Variants in MYH4 observed in about 807,000 individuals in gnomAD.
MYH4 encodes myosin heavy chain 4.
In MYH4, 200 loss-of-function variants were observed where a neutral mutation model predicts 229.9. The ratio of observed to expected loss-of-function variants is 0.87; its 90% CI spans 0.78 to 0.98. MYH4 has a LOEUF of 0.98. Ranked by LOEUF, MYH4 falls within the 50% of genes least tolerant of loss-of-function variation. The probability of loss-of-function intolerance (pLI) is 0.00; values close to 1 mark genes in which losing one functional copy is unlikely to be tolerated. For synonymous variants in MYH4, 761 were observed against 834.6 expected (o/e 0.91, Z 1.52); for missense variants, 2,148 against 2,332.6 (o/e 0.92, Z 1.63).
intron 2 of MYH4, among the ~76,000 whole-genome samples, chr17:10,467,312 A>T (rs1249794713): frequency 1.3e-5 from 2 of 152,372 alleles, no homozygotes; most frequent in South Asian, 4.1e-4. Flanking sequence ...ATGTAGACAG[A>T]TACACCTGTT....
At chr17:10,455,457 A>G (rs942403855) in intron 19 of MYH4, among the ~76,000 whole-genome samples, 157 bp downstream of exon 19, 5 of 152,244 alleles carry the variant, frequency 3.3e-5, no homozygotes, top group Non-Finnish European at 7.3e-5. Context: ...GATATGATGA[A>G]AAACTTATGA....
rs371161204 is a variant in MYH4 at position 10,443,336 on chromosome 17, G to C, written c.*39C>G. The C allele has an allele frequency of 6.2e-7, 1 of 1,601,366 alleles. No homozygotes were observed. Among genetic ancestry groups the C allele is most frequent in the East Asian group, 2.2e-5 (1 of 44,770 alleles). ...ACAGTGACAAAGAACTTCACATTTC[G>C]TGCATTTCTTTGGTCACATTTTCTT... On this transcript the variant is annotated 3_prime_UTR_variant, in exon 40 of 40. Coordinates refer to ENST00000255381, the MANE Select transcript of MYH4 (RefSeq NM_017533.2). The surrounding 1 kb of genome is among the most constrained non-coding windows in gnomAD (Gnocchi z 4.6).
In MYH4 at chr17:10,449,047, C is replaced by T. The variant is rs771103965; in HGVS notation, c.4182G>A (p.Lys1394=). ...CCTGCAGACGCTGGGCTAGCTTCTT[C>T]CTGAAAATTGGGTCAGTATGAGTGA... The part of the protein sequence containing the change: ...IQRTEELEEA[K]KKLAQRLQDA... Residue 1394 remains lysine (K), a splice_region_variant and synonymous_variant, in exon 31 of 40, where the codon AAG becomes AAA. Transcript: ENST00000255381. 1.9e-6 allele frequency: 3 copies of T among 1,613,838 alleles called. No individual in the cohort carries two copies. Among genetic ancestry groups the T allele is most frequent in the Non-Finnish European group, 1.7e-6 (2 of 1,179,930 alleles).
At chr17:10,464,757 A>T in intron 5 of MYH4, 49 bp from the exon 6 acceptor site, 2 of 1,574,360 alleles carry the variant, frequency 1.3e-6, no homozygotes, top group Non-Finnish European at 1.7e-6. Flanking sequence ...CACTTAACAC[A>T]TAGGTCAACG....
intron 39 of MYH4, among the ~76,000 whole-genome samples, chr17:10,444,276 C>A (rs1358376965): frequency 6.6e-6 from 1 of 152,004 alleles, no homozygotes; most frequent in Non-Finnish European, 1.5e-5. Flanking sequence ...TTAAATGAAG[C>A]TTAGAATTCA....
intron 2 of MYH4, 73 bp from the exon 3 acceptor site, chr17:10,466,857 T>C (rs1328808252): frequency 1.5e-6 from 2 of 1,351,440 alleles, no homozygotes; most frequent in Non-Finnish European, 2.0e-6. Flanking sequence ...TTCATATTAA[T>C]GTGCTTAATT....
rs2072568418 is a variant in MYH4, at chr17:10,451,181, G to A, written c.3865+145C>T. The stretch of plus-strand genomic sequence containing the variant: ...TCGCTTAGAATCATTGCATTTTACT[G>A]TCTCATAATAAAAAGATGGAGGAAT... On this transcript the variant is annotated intron_variant, in intron 28 of 39. Coordinates refer to ENST00000255381, the MANE Select transcript of MYH4 (RefSeq NM_017533.2). 3 of 1,119,978 alleles carry A rather than the reference G, an allele frequency of 2.7e-6. No homozygotes were observed. The Admixed American group carries it at 7.8e-5, about 29-fold the overall frequency. 69.4% of individuals were successfully genotyped at this position (1,119,978 alleles called of 1,614,324 possible). A position where few individuals can be genotyped will look rare whatever the true frequency, so the allele number is the denominator to read the frequency against.
At chr17:10,453,471 A>G in intron 23 of MYH4, 143 bp from the exon 24 acceptor site, 1 of 1,552,498 alleles carries the variant, frequency 6.4e-7, no homozygotes, top group Non-Finnish European at 8.7e-7. Flanking sequence ...AATGGCTGAA[A>G]AAATAGGAGG....
At chr17:10,461,205 C>T (rs2072698159) in intron 11 of MYH4, 151 bp from the exon 12 acceptor site, 3 of 834,966 alleles carry the variant, frequency 3.6e-6, no homozygotes, top group Non-Finnish European at 5.6e-6. Flanking sequence ...ATATGCTTTA[C>T]CTTTTGATCC....
At chr17:10,453,939 CAATA>C in intron 22 of MYH4, 54 bp from the exon 23 acceptor site, 1 of 1,595,906 alleles carries the variant, frequency 6.3e-7, no homozygotes. Context: ...TATAAGCACA[CAATA>C]ATTTATTATA....
intron 16 of MYH4, among the ~76,000 whole-genome samples, 164 bp downstream of exon 16, chr17:10,457,256 G>C (rs1232453960): frequency 6.6e-6 from 1 of 152,224 alleles, no homozygotes; most frequent in Non-Finnish European, 1.5e-5. Context: ...CTGAAAGTCT[G>C]TGACTGTAAG....
intron 22 of MYH4, 30 bp from the exon 23 acceptor site, chr17:10,453,915 G>A (rs1434641880): frequency 6.2e-7 from 1 of 1,612,442 alleles, no homozygotes; most frequent in Non-Finnish European, 8.5e-7. Context: ...ATTTTCATTT[G>A]TCTGAGCTAT....
At chr17:10,453,520 A>T in intron 23 of MYH4, 123 bp downstream of exon 23, 1 of 1,567,164 alleles carries the variant, frequency 6.4e-7, no homozygotes, top group Admixed American at 1.7e-5. Flanking sequence ...TGAAGACTAA[A>T]GAGATGAAAT....
chr17:10,460,308 A>G lies in MYH4; in HGVS notation c.1161T>C (p.Ala387=). 6.2e-7 allele frequency: 1 copy of G among 1,605,506 alleles called. No homozygotes were observed. Residue 387 remains alanine (A), a synonymous_variant, in exon 13 of 40, where the codon GCT becomes GCC. Coordinates refer to ENST00000255381, the MANE Select transcript of MYH4 (RefSeq NM_017533.2). The stretch of plus-strand genomic sequence containing the variant: ...CAGAGTTCAGACTTGTCAGATAAGC[A>G]GCTTTGTCAGCAACTGTGTGAACAA... The part of the protein sequence containing the change: ...EPDGTEVADK[A]AYLTSLNSAD...
Position 10,453,201 on chromosome 17 carries a change from A to C in MYH4, c.3062T>G (p.Val1021Gly). The C allele has an allele frequency of 6.2e-7, 1 of 1,613,976 alleles. No individual in the cohort carries two copies. Among genetic ancestry groups the C allele is most frequent in the Non-Finnish European group, 8.5e-7 (1 of 1,180,000 alleles). Residue 1021 changes from valine (V) to glycine (G), a missense_variant, in exon 24 of 40, where the codon GTC (valine) becomes GGC (glycine). Val to Gly is a moderately radical substitution (Grantham distance 109). Coordinates refer to ENST00000255381, the MANE Select transcript of MYH4 (RefSeq NM_017533.2). The stretch of plus-strand genomic sequence containing the variant: ...GGTTTTAGCTTTGGTCAGGGTGTTG[A>C]CTTTGTCCTCCTCCATCTGCAGGTC... ...LDDLQMEEDK[V>G]NTLTKAKTKL...
At position 10,447,053 on chromosome 17, in the gene MYH4, A is replaced by G; in HGVS notation, c.5129T>C (p.Leu1710Pro). 6.2e-7 allele frequency: 1 copy of G among 1,614,182 alleles called. No individual in the cohort carries two copies. Among genetic ancestry groups the G allele is most frequent in the Non-Finnish European group, 8.5e-7 (1 of 1,180,028 alleles). Residue 1710 changes from leucine to proline, a missense_variant, in exon 35 of 40, where the codon CTT becomes CCT. Transcript: ENST00000255381. Reference protein sequence around the residue: ...ERGRKMAEQELLDASERVQLL... With the variant: ...ERGRKMAEQEPLDASERVQLL... ...TTGCACACGTTCACTGGCATCCAGA[A>G]GCTCTTGCTCTGCCATTTTCCTGCC...
intron 6 of MYH4, 43 bp from the exon 7 acceptor site, chr17:10,464,629 T>C: frequency 1.2e-6 from 2 of 1,612,990 alleles, no homozygotes; most frequent in Non-Finnish European, 1.7e-6. Context: ...TCTAAGGTAG[T>C]AGTAGCCACT....
chr17:10,466,183 T>A, intron 4 of MYH4, 90 bp downstream of exon 4: 1 of 1,463,044 alleles, frequency 6.8e-7, no homozygotes, highest in Non-Finnish European at 9.3e-7. Flanking sequence ...AACAGTTCAA[T>A]AGCCAAATGT....
chr17:10,466,070 G>A (rs1195337922), intron 4 of MYH4, among the ~76,000 whole-genome samples: 2 of 152,062 alleles, frequency 1.3e-5, no homozygotes, highest in African/African-American at 2.4e-5. Context: ...CACCGCGCCC[G>A]GCCCAGTTTT....
Sources: gnomAD v4.1 joint callset for allele counts (sites outside exome capture counted in the v4.1 genomes callset) on GRCh38, gnomAD v4.1.1 for gene constraint, Gnocchi (gnomAD v3.1) non-coding constraint, MANE v1.5 for transcripts, NCBI Gene and HGNC (gene_info 2026-07-23, HGNC 2026-07-21) for gene names.